RICTOR: variants seen among roughly 807,000 people sequenced by gnomAD.
The protein encoded by RICTOR is RPTOR independent companion of MTOR complex 2.
A neutral mutation model predicts 214.9 loss-of-function variants in RICTOR; 49 were observed. That is an observed-to-expected ratio of 0.23 (90% CI 0.18 to 0.29). The LOEUF (loss-of-function observed/expected upper bound fraction) is 0.29. Among genes scored for constraint, RICTOR ranks in the 10% least tolerant of loss-of-function variants. RICTOR has a pLI of 1.00. For missense variants in RICTOR, 1,625 were observed against 2,047.0 expected (o/e 0.79, Z 3.98); for synonymous variants, 717 against 711.3 (o/e 1.01, Z -0.13).
At chr5:39,023,789 G>C (rs1487186205) in intron 2 of RICTOR, among the ~76,000 whole-genome samples, 4 of 152,152 alleles carry the variant, frequency 2.6e-5, no homozygotes, top group Non-Finnish European at 5.9e-5. Context: ...TGTTATACTG[G>C]GTGTTGTCTA....
rs1432539156 is a variant in RICTOR at position 39,030,632 on chromosome 5, G to C, written c.98-9496C>G. ...TATATAACATGAACCAAGATTCTAT[G>C]AAGAGTTTTAAGCTTTATGAGGACA... On this transcript the variant is annotated intron_variant, in intron 2 of 37. Transcript: ENST00000357387. Among the ~76,000 whole-genome samples the C allele has an allele frequency of 3.9e-5, 6 of 152,248 alleles. No individual in the cohort carries two copies. In the South Asian group the frequency reaches 1.2e-3, roughly 32 times the overall value.
chr5:39,006,415 C>T (rs1012320653), intron 3 of RICTOR, among the ~76,000 whole-genome samples: 1 of 151,934 alleles, frequency 6.6e-6, no homozygotes, highest in Non-Finnish European at 1.5e-5. Flanking sequence ...TGATTTATTG[C>T]GGCTAACTGA....
At chr5:38,982,427 A>G (rs1751785149) in intron 7 of RICTOR, among the ~76,000 whole-genome samples, 1 of 152,202 alleles carries the variant, frequency 6.6e-6, no homozygotes, top group South Asian at 2.1e-4. Context: ...TTAAACACAC[A>G]CATAGAACAC....
At position 39,039,603 on chromosome 5, in the gene RICTOR, G is replaced by A. The variant is rs1013575933; in HGVS notation, c.98-18467C>T. ...GCTAATATCCAGAATCTACAATGAA[G>A]TCAAACAAATTTACAAGGAAAAAAC... On this transcript the variant is annotated intron_variant, in intron 2 of 37. Coordinates refer to ENST00000357387, the MANE Select transcript of RICTOR (RefSeq NM_152756.5). Among the ~76,000 whole-genome samples the A allele has an allele frequency of 2.0e-5, 3 of 151,962 alleles. No homozygotes were observed. The East Asian group carries it at 5.8e-4, about 29-fold the overall frequency.
intron 2 of RICTOR, among the ~76,000 whole-genome samples, chr5:39,035,675 C>A (rs892529900): frequency 6.6e-6 from 1 of 152,192 alleles, no homozygotes; most frequent in Non-Finnish European, 1.5e-5. Flanking sequence ...GACGAAGGCA[C>A]AAGCCTCAGT....
At chr5:38,943,659 A>G (rs1442282791) in intron 36 of RICTOR, among the ~76,000 whole-genome samples, 2 of 152,096 alleles carry the variant, frequency 1.3e-5, no homozygotes, top group African/African-American at 4.8e-5. Context: ...CTAAAAATAC[A>G]AAAATTAGCT....
At chr5:39,021,009 T>C (rs1487627598) in intron 3 of RICTOR, 30 bp downstream of exon 3, 1 of 1,053,798 alleles carries the variant, frequency 9.5e-7, no homozygotes, top group Non-Finnish European at 1.5e-6. Context: ...CAAAGAATTT[T>C]AGACAATAAT....
chr5:39,011,871 G>T (rs1754546885), intron 3 of RICTOR, among the ~76,000 whole-genome samples: 1 of 152,152 alleles, frequency 6.6e-6, no homozygotes, highest in Admixed American at 6.6e-5. Context: ...TAGGCGGAAG[G>T]GACTTGCCTT....
chr5:38,942,293 T>A lies in RICTOR; in HGVS notation c.*11A>T, dbSNP rs762621443. ...ATATAGTATGTATCTATATCCATCA[T>A]AAATATGAGGTCAGGATTCAGCAGA... On this transcript the variant is annotated 3_prime_UTR_variant, in exon 38 of 38. Transcript: ENST00000357387. 21 of 1,539,530 alleles carry A rather than the reference T, an allele frequency of 1.4e-5. No homozygotes were observed. Among genetic ancestry groups the A allele is most frequent in the Non-Finnish European group, 1.9e-5 (21 of 1,117,574 alleles).
intron 2 of RICTOR, among the ~76,000 whole-genome samples, chr5:39,021,477 G>A (rs1207694322): frequency 1.3e-5 from 2 of 152,168 alleles, no homozygotes; most frequent in Non-Finnish European, 2.9e-5. Context: ...CCTTTAAGAG[G>A]TGATTAGGTT....
intron 2 of RICTOR, among the ~76,000 whole-genome samples, chr5:39,046,168 T>C (rs1757484628): frequency 6.6e-6 from 1 of 151,366 alleles, no homozygotes; most frequent in South Asian, 2.1e-4. Context: ...ATAAGAGCAC[T>C]GTAAGACTCC....
At chr5:39,007,862 A>G (rs1167424475) in intron 3 of RICTOR, among the ~76,000 whole-genome samples, 2 of 150,108 alleles carry the variant, frequency 1.3e-5, no homozygotes, top group African/African-American at 2.4e-5. Flanking sequence ...GTAAAATATT[A>G]TTTTAAATAT....
Position 39,004,450 on chromosome 5 carries a change from T to G in RICTOR, c.196-828A>C, listed in dbSNP as rs191258648. On this transcript the variant is annotated intron_variant, in intron 3 of 37. Transcript: ENST00000357387. ...TTGACTCTTTTGAAAGTCATGTCAT[T>G]TATTTCTCAAACTCTTTTTTTTTTT... 1.8e-3 allele frequency among the ~76,000 whole-genome samples: 271 copies of G among 148,666 alleles called. 1 individual carries two copies. Among genetic ancestry groups the G allele is most frequent in the Non-Finnish European group, 3.2e-3 (214 of 67,348 alleles).
chr5:39,033,493 A>C (rs1561553544), intron 2 of RICTOR, among the ~76,000 whole-genome samples: 1 of 151,030 alleles, frequency 6.6e-6, no homozygotes, highest in Non-Finnish European at 1.5e-5. Context: ...CGAACTCCTG[A>C]CCTCCTGATC....
intron 6 of RICTOR, among the ~76,000 whole-genome samples, chr5:38,991,676 T>G (rs933330872): frequency 3.3e-5 from 5 of 152,120 alleles, no homozygotes; most frequent in African/African-American, 9.7e-5. Flanking sequence ...CCAAATCTAT[T>G]TTTAATATTT....
At chr5:39,019,882 T>C (rs1398229250) in intron 3 of RICTOR, among the ~76,000 whole-genome samples, 1 of 152,204 alleles carries the variant, frequency 6.6e-6, no homozygotes, top group Non-Finnish European at 1.5e-5. Flanking sequence ...GGATTTATCG[T>C]TCCAGATGCC....
intron 5 of RICTOR, among the ~76,000 whole-genome samples, chr5:39,002,002 T>A (rs1475777821): frequency 6.6e-6 from 1 of 152,046 alleles, no homozygotes; most frequent in Non-Finnish European, 1.5e-5. Flanking sequence ...TACATATACC[T>A]AAGAGAAATG....
At chr5:39,070,049 T>C (rs886258880) in intron 2 of RICTOR, among the ~76,000 whole-genome samples, 4 of 152,220 alleles carry the variant, frequency 2.6e-5, no homozygotes, top group Non-Finnish European at 5.9e-5. Flanking sequence ...TTTCCTCATT[T>C]TTATTCTTCC....
intron 2 of RICTOR, among the ~76,000 whole-genome samples, chr5:39,057,335 T>C (rs1401900529): frequency 1.3e-5 from 2 of 152,158 alleles, no homozygotes; most frequent in Non-Finnish European, 2.9e-5. Flanking sequence ...GAAGAATGCT[T>C]AAAAGAAAAC....
Sources: allele counts gnomAD v4.1 joint callset (sites outside exome capture counted in the v4.1 genomes callset), GRCh38; gene constraint gnomAD v4.1.1; transcripts MANE v1.5; gene names NCBI Gene and HGNC (gene_info 2026-07-23, HGNC 2026-07-21).